VPS13D: variants seen among roughly 807,000 people sequenced by gnomAD.
VPS13D encodes the protein intermembrane lipid transfer protein VPS13D.
In VPS13D, 187 loss-of-function variants were observed where a neutral mutation model predicts 461.9. The observed-to-expected ratio is 0.40, with a 90% CI of 0.36 to 0.46. The LOEUF (loss-of-function observed/expected upper bound fraction) is 0.46, where lower values mean the gene tolerates loss of function less well. Among genes scored for constraint, VPS13D ranks in the 20% least tolerant of loss-of-function variants. VPS13D has a pLI of 0.60. For synonymous variants in VPS13D, 1,951 were observed against 1,986.3 expected (o/e 0.98, Z 0.47); for missense variants, 4,711 against 5,364.9 (o/e 0.88, Z 3.81).
At position 12,460,415 on chromosome 1, in the gene VPS13D, ATGGCTTT is replaced by A. The variant is rs775207465; in HGVS notation, c.12662+22_12662+28del. ...GCCCCAGGTCAGTGGTGTGGGAAGA[ATGGCTTT>A]TGCAGTTTCCAGCCTAGGTCTGCTG... On this transcript the variant is annotated intron_variant, in intron 67 of 69. Transcript: ENST00000620676. 1 of 1,543,704 alleles carries A rather than the reference ATGGCTTT, an allele frequency of 6.5e-7. No individual in the cohort carries two copies. Among genetic ancestry groups the A allele is most frequent in the South Asian group, 1.3e-5 (1 of 79,938 alleles).
At position 12,284,175 on chromosome 1, in the gene VPS13D, A is replaced by C. The variant is rs576355584; in HGVS notation, c.5634+439A>C. Among the ~76,000 whole-genome samples the C allele has an allele frequency of 1.8e-3, 268 of 152,320 alleles. 1 individual carries two copies. The highest frequency in any genetic ancestry group is 5.9e-3 in the African/African-American group (247 of 41,566). ...TTGCTTGCATTGAGGGCAACAGCGTAACTGTTAAGAATGGTCTCAAAAGTT... is the reference window on the plus strand; with the variant it reads ...TTGCTTGCATTGAGGGCAACAGCGTCACTGTTAAGAATGGTCTCAAAAGTT... On this transcript the variant is annotated intron_variant, in intron 21 of 69. Transcript: ENST00000620676.
intron 42 of VPS13D, among the ~76,000 whole-genome samples, chr1:12,343,531 T>C (rs1448299221): frequency 2.6e-5 from 4 of 152,056 alleles, no homozygotes; most frequent in Non-Finnish European, 5.9e-5. Flanking sequence ...TGTTTCCTTT[T>C]ATTATTTTAT....
intron 22 of VPS13D, among the ~76,000 whole-genome samples, chr1:12,290,098 A>G (rs1461113262): frequency 6.6e-6 from 1 of 152,176 alleles, no homozygotes; most frequent in Non-Finnish European, 1.5e-5. Context: ...CAGTGTTAAT[A>G]ATGACTCATT....
At chr1:12,353,848 TG>T (rs1468231720) in intron 46 of VPS13D, 125 bp from the exon 47 acceptor site, 19 of 990,804 alleles carry the variant, frequency 1.9e-5, no homozygotes, top group Non-Finnish European at 2.3e-5. Context: ...GTATTTGGAT[TG>T]AAAACTGCAA....
chr1:12,435,368 G>A (rs1330247718), intron 65 of VPS13D, among the ~76,000 whole-genome samples: 1 of 152,114 alleles, frequency 6.6e-6, no homozygotes, highest in Non-Finnish European at 1.5e-5. Context: ...GGCTGAGGTG[G>A]GAGGATCATC....
intron 41 of VPS13D, among the ~76,000 whole-genome samples, chr1:12,342,471 T>C (rs1379354516): frequency 6.6e-6 from 1 of 152,254 alleles, no homozygotes; most frequent in Non-Finnish European, 1.5e-5. Context: ...GGTCATGAAG[T>C]GCATGGCATG....
intron 61 of VPS13D, 92 bp downstream of exon 61, chr1:12,400,422 G>A (rs1644559645): frequency 6.7e-7 from 1 of 1,490,998 alleles, no homozygotes. Context: ...AGTGCCGGGT[G>A]CTGATGGGAA....
At chr1:12,327,972 A>G (rs967734623) in intron 36 of VPS13D, 118 bp downstream of exon 36, 3 of 1,030,462 alleles carry the variant, frequency 2.9e-6, no homozygotes, top group Non-Finnish European at 4.1e-6. Context: ...TGAAATTTAG[A>G]TAATAGTTTT....
At chr1:12,245,216 C>T (rs2101213311) in intron 5 of VPS13D, among the ~76,000 whole-genome samples, 1 of 152,292 alleles carries the variant, frequency 6.6e-6, no homozygotes, top group African/African-American at 2.4e-5. Flanking sequence ...TGATCAGGGT[C>T]CCACTAATTT....
At chr1:12,406,517 C>T (rs1014065370) in intron 63 of VPS13D, among the ~76,000 whole-genome samples, 1 of 152,186 alleles carries the variant, frequency 6.6e-6, no homozygotes, top group Non-Finnish European at 1.5e-5. Flanking sequence ...AGGGAAGTCT[C>T]TTCAGGTTTA....
At chr1:12,373,095 GTTTTTTTT>G (rs571503565) in intron 54 of VPS13D, among the ~76,000 whole-genome samples, 33 of 37,234 alleles carry the variant, frequency 8.9e-4, no homozygotes, top group Non-Finnish European at 1.4e-3. Context: ...GTCTGGCTTG[GTTTTTTTT>G]TTTTTTTTTT....
rs538079974 is a variant in VPS13D, at chr1:12,314,479, G to T, written c.7148+152G>T. On this transcript the variant is annotated intron_variant, in intron 30 of 69. Transcript: ENST00000620676. Reference sequence around the variant, plus strand: ...TCAGTGCAGTGTACTGTATATTAATGCATTATTCCTATAATCTTGCAGTTT... The same window carrying T: ...TCAGTGCAGTGTACTGTATATTAATTCATTATTCCTATAATCTTGCAGTTT... 31 of 705,966 alleles carry T rather than the reference G, an allele frequency of 4.4e-5. No homozygotes were observed. In the African/African-American group the frequency reaches 5.0e-4, roughly 11 times the overall value. The allele number at this position is 705,966 out of a possible 1,614,324, so 43.7% of individuals were successfully genotyped here. A position where few individuals can be genotyped will look rare whatever the true frequency, so the allele number is the denominator to read the frequency against.
At chr1:12,499,012 G>A (rs1353435979) in intron 68 of VPS13D, among the ~76,000 whole-genome samples, 5 of 152,130 alleles carry the variant, frequency 3.3e-5, no homozygotes, top group Non-Finnish European at 5.9e-5. Flanking sequence ...TCAGTCCAGT[G>A]CCCAGAGTGC....
chr1:12,411,474 A>G (rs1644727337), intron 63 of VPS13D, among the ~76,000 whole-genome samples: 1 of 141,072 alleles, frequency 7.1e-6, no homozygotes, highest in Non-Finnish European at 1.6e-5. Flanking sequence ...CTCTACAAAA[A>G]TGGAAGGAAG....
At chr1:12,487,858 AT>A (rs201728399) in intron 67 of VPS13D, among the ~76,000 whole-genome samples, 1 of 151,864 alleles carries the variant, frequency 6.6e-6, no homozygotes, top group Non-Finnish European at 1.5e-5. Context: ...TACCCCTGAA[AT>A]TTTTTTTTGA....
rs1359365794 is a variant in VPS13D at position 12,276,852 on chromosome 1, T to A, written c.3264T>A (p.Ser1088Arg). The change falls in exon 19 of 70, where the codon AGT becomes AGA. Residue 1088 changes from serine to arginine, a missense_variant. Transcript: ENST00000620676. The surrounding 1 kb of genome is among the most constrained non-coding windows in gnomAD (Gnocchi z 4.5). ...TTAAGTTGGAATATCAGTTTGTGAG[T>A]TCAGAGTGCCCATCGATGAATTTAG... ...SLIKLEYQFV[S>R]SECPSMNLDS... The A allele has an allele frequency of 6.2e-7, 1 of 1,613,946 alleles. No homozygotes were observed. The highest frequency in any genetic ancestry group is 8.5e-7 in the Non-Finnish European group (1 of 1,180,000).
At chr1:12,245,628 G>T (rs550596904) in intron 5 of VPS13D, among the ~76,000 whole-genome samples, 1 of 152,138 alleles carries the variant, frequency 6.6e-6, no homozygotes, top group Non-Finnish European at 1.5e-5. Flanking sequence ...GGAGGCTGGG[G>T]CAAGAGGATG....
intron 65 of VPS13D, among the ~76,000 whole-genome samples, chr1:12,447,053 G>A (rs1570188760): frequency 1.3e-5 from 2 of 152,166 alleles, no homozygotes; most frequent in South Asian, 4.1e-4. Context: ...TACGGATATG[G>A]ATCAAGAAAG....
chr1:12,455,967 A>C (rs774090049), intron 65 of VPS13D, 31 bp from the exon 66 acceptor site: 1 of 1,575,934 alleles, frequency 6.3e-7, no homozygotes, highest in Admixed American at 2.0e-5. Flanking sequence ...CAAGACTTTA[A>C]AACTCTTCTC....
Sources: allele counts gnomAD v4.1 joint callset (sites outside exome capture counted in the v4.1 genomes callset), GRCh38; gene constraint gnomAD v4.1.1; non-coding constraint Gnocchi (gnomAD v3.1); transcripts MANE v1.5; gene names NCBI Gene and HGNC (gene_info 2026-07-23, HGNC 2026-07-21).